The following DENND5A variants were observed in gnomAD, a reference collection of about 807,000 sequenced individuals.
The protein encoded by DENND5A is DENN domain containing 5A.
In DENND5A, 64 loss-of-function variants were observed where a neutral mutation model predicts 140.3. The observed-to-expected ratio is 0.46, with a 90% CI of 0.37 to 0.56. The LOEUF is 0.56. DENND5A is among the 20% of genes least tolerant of loss of function. The pLI, the probability that DENND5A is intolerant of heterozygous loss-of-function variation, is 0.00. For missense variants in DENND5A, 1,292 were observed against 1,593.8 expected, an observed-to-expected ratio of 0.81 and a Z score of 3.22; for synonymous variants, 605 against 607.7, an observed-to-expected ratio of 1.00 and a Z score of 0.07.
At chr11:9,164,902 T>A (rs10769998) in intron 11 of DENND5A, among the ~76,000 whole-genome samples, 70,704 of 152,072 alleles carry the variant, frequency 0.46, 17,677 homozygotes, top group African/African-American at 0.64. Context: ...AGGTAGGAGG[T>A]TCACTTAAGC....
intron 1 of DENND5A, among the ~76,000 whole-genome samples, chr11:9,259,923 G>A (rs1852117176): frequency 6.6e-6 from 1 of 150,976 alleles, no homozygotes; most frequent in Admixed American, 6.6e-5. Flanking sequence ...CAGCTACTTG[G>A]GAGGCTGAGG....
chr11:9,248,275 G>GTA (rs1851564592), intron 1 of DENND5A, among the ~76,000 whole-genome samples: 1 of 152,066 alleles, frequency 6.6e-6, no homozygotes. Flanking sequence ...GAGCCACAGC[G>GTA]CCCAGCTGGA....
Position 9,180,767 on chromosome 11 carries a change from CT to C in DENND5A, c.1454del (p.Lys485SerfsTer28). ...LVKRTGVSLEKLEVREDPSSN... is the reference protein window; with the variant it reads ...LVKRTGVSLEXLEVREDPSSN... ...TCACAGACTCATATACACATCTTAC[CT>C]TTTCCAGGCTCACCCCAGTTCTCTT... On this transcript the variant is annotated frameshift_variant and splice_region_variant, in exon 6 of 23. Coordinates refer to ENST00000328194, the MANE Select transcript of DENND5A (RefSeq NM_015213.4). LOFTEE classifies it high-confidence loss of function. The C allele has an allele frequency of 6.2e-7, 1 of 1,613,422 alleles. No homozygotes were observed. Among genetic ancestry groups the C allele is most frequent in the Non-Finnish European group, 8.5e-7 (1 of 1,179,608 alleles).
intron 1 of DENND5A, among the ~76,000 whole-genome samples, chr11:9,247,886 A>G (rs1382193916): frequency 1.3e-5 from 2 of 152,204 alleles, no homozygotes; most frequent in Admixed American, 6.6e-5. Context: ...AAAACATCTC[A>G]AAGAAATACA....
At chr11:9,142,923 A>G (rs766146058) in intron 20 of DENND5A, 78 bp from the exon 21 acceptor site, 3 of 1,568,130 alleles carry the variant, frequency 1.9e-6, no homozygotes, top group Non-Finnish European at 2.6e-6. Flanking sequence ...CTAAACCCAC[A>G]GCCCAGAGTT....
Position 9,232,759 on chromosome 11 carries a change from C to T in DENND5A, c.110-25127G>A, listed in dbSNP as rs550866617. ...ACCAAAAGCCATGTTCACGAAAAGG[C>T]ACATACAGGAATGTTCATAACATGT... On this transcript the variant is annotated intron_variant, in intron 1 of 22. Transcript: ENST00000328194. Among the ~76,000 whole-genome samples, 3 of 152,220 alleles carry T rather than the reference C, an allele frequency of 2.0e-5. No individual in the cohort carries two copies. In the East Asian group the frequency reaches 5.8e-4, roughly 29 times the overall value.
Position 9,203,873 on chromosome 11 carries a change from T to C in DENND5A, c.736A>G (p.Asn246Asp). The C allele has an allele frequency of 6.2e-7, 1 of 1,614,032 alleles. No individual in the cohort carries two copies. The highest frequency in any genetic ancestry group is 8.5e-7 in the Non-Finnish European group (1 of 1,179,990). The change falls in exon 4 of 23, where the codon AAC (asparagine) becomes GAC (aspartate). Residue 246 changes from asparagine to aspartate, a missense_variant. Around this residue, in one of 4 missense-constraint regions of DENND5A, gnomAD observed 566 missense variants for 650.4 expected, o/e 0.87. Coordinates refer to ENST00000328194, the MANE Select transcript of DENND5A (RefSeq NM_015213.4). Reference sequence around the variant, plus strand: ...GGGAGCGGCACCTCGTAGAGTACGTTGTATATGTAGCTCTCAAGGGGCAGT... The same window carrying C: ...GGGAGCGGCACCTCGTAGAGTACGTCGTATATGTAGCTCTCAAGGGGCAGT... Reference protein sequence around the residue: ...PPLPLESYIYNVLYEVPLPPP... With the variant: ...PPLPLESYIYDVLYEVPLPPP...
chr11:9,205,435 T>A (rs1849661846), intron 3 of DENND5A, among the ~76,000 whole-genome samples: 1 of 152,202 alleles, frequency 6.6e-6, no homozygotes, highest in East Asian at 1.9e-4. Flanking sequence ...GAACATAGCA[T>A]GTTAAAATGA....
chr11:9,252,551 G>A (rs376463032), intron 1 of DENND5A, among the ~76,000 whole-genome samples: 1 of 152,110 alleles, frequency 6.6e-6, no homozygotes, highest in Non-Finnish European at 1.5e-5. Context: ...GGAGGCTGAG[G>A]CAGAAGAATT....
intron 4 of DENND5A, among the ~76,000 whole-genome samples, chr11:9,202,673 A>G (rs1849561629): frequency 6.6e-6 from 1 of 152,196 alleles, no homozygotes; most frequent in African/African-American, 2.4e-5. Flanking sequence ...TCTGGCCTCC[A>G]GTTAAGTCTC....
chr11:9,174,102 C>CAAAAAATAAAA (rs1848467245), intron 8 of DENND5A, among the ~76,000 whole-genome samples: 1 of 42,148 alleles, frequency 2.4e-5, no homozygotes, highest in Non-Finnish European at 4.1e-5. Context: ...GACTCCGTCT[C>CAAAAAATAAAA]AAAAAAAAAA....
rs565449009 is a variant in DENND5A at position 9,209,192 on chromosome 11, C to A, written c.110-1560G>T. 3.9e-5 allele frequency among the ~76,000 whole-genome samples: 6 copies of A among 152,302 alleles called. No individual in the cohort carries two copies. The South Asian group carries it at 1.2e-3, about 32-fold the overall frequency. On this transcript the variant is annotated intron_variant, in intron 1 of 22. Transcript: ENST00000328194. ...AGGAATCAGGACAACTATCACCGTT[C>A]TCTGTAAAGGAAAGACGCCTTCCTA...
chr11:9,221,902 T>C (rs377752537), intron 1 of DENND5A, among the ~76,000 whole-genome samples: 36 of 152,020 alleles, frequency 2.4e-4, no homozygotes, highest in East Asian at 1.7e-3. Context: ...GAACTACAGG[T>C]GCATGCCACC....
At chr11:9,196,990 T>C (rs1849352126) in intron 4 of DENND5A, among the ~76,000 whole-genome samples, 1 of 151,638 alleles carries the variant, frequency 6.6e-6, no homozygotes, top group South Asian at 2.1e-4. Flanking sequence ...AATACACATA[T>C]ATTCAACACC....
rs549864804 is a variant in DENND5A at position 9,221,146 on chromosome 11, A to G, written c.110-13514T>C. 2.2e-3 allele frequency among the ~76,000 whole-genome samples: 341 copies of G among 151,854 alleles called. 3 individuals are homozygous for G. The highest frequency in any genetic ancestry group is 8.0e-3 in the African/African-American group (333 of 41,454). ...TCAGAATCAGAGATTAAAACATTCA[A>G]TCGGCTGGACACGGTGGCTCACGCC... On this transcript the variant is annotated intron_variant, in intron 1 of 22. Transcript: ENST00000328194.
intron 5 of DENND5A, among the ~76,000 whole-genome samples, chr11:9,189,618 GTTTT>G (rs77938128): frequency 6.2e-5 from 9 of 145,092 alleles, no homozygotes; most frequent in Non-Finnish European, 1.2e-4. Flanking sequence ...CTGTTGTTTG[GTTTT>G]TTTTTTTTGG....
rs1224645356 is a variant in DENND5A, at chr11:9,142,822, G to C, written c.3411C>G (p.Leu1137=). The C allele has an allele frequency of 1.2e-6, 2 of 1,614,050 alleles. No homozygotes were observed. Among genetic ancestry groups the C allele is most frequent in the Non-Finnish European group, 1.7e-6 (2 of 1,180,018 alleles). Residue 1137 remains leucine, a synonymous_variant, in exon 21 of 23, where the codon CTC becomes CTG. Transcript: ENST00000328194. ...CCGAGACAAGGCCACACTCTCCACA[G>C]AGCAACAGCGTCAGACTGCCTCGCT... is the stretch of plus-strand genomic sequence containing the variant. ...EKERGSLTLL[L]CGECGLVSAL...
At chr11:9,261,989 T>C (rs1240919396) in intron 1 of DENND5A, among the ~76,000 whole-genome samples, 1 of 151,952 alleles carries the variant, frequency 6.6e-6, no homozygotes, top group Non-Finnish European at 1.5e-5. Context: ...ATACAACTCA[T>C]CCCCCTTTCT....
At chr11:9,174,410 G>C (rs1397530321) in intron 8 of DENND5A, among the ~76,000 whole-genome samples, 1 of 149,818 alleles carries the variant, frequency 6.7e-6, no homozygotes, top group East Asian at 1.9e-4. Context: ...TAATGACAAA[G>C]ATATGCCCTG....
Sources: gnomAD v4.1 joint callset for allele counts (sites outside exome capture counted in the v4.1 genomes callset) on GRCh38, gnomAD v4.1.1 for gene constraint, gnomAD v4.1.1 regional missense constraint, MANE v1.5 for transcripts, NCBI Gene and HGNC (gene_info 2026-07-23, HGNC 2026-07-21) for gene names.